The following PPEF1 variants were observed in gnomAD, a reference collection of about 807,000 sequenced individuals.
PPEF1 encodes serine/threonine-protein phosphatase with EF-hands 1.
A neutral mutation model predicts 53.3 loss-of-function variants in PPEF1; 12 were observed. The ratio of observed to expected loss-of-function variants is 0.23; its 90% CI spans 0.14 to 0.36. The LOEUF (loss-of-function observed/expected upper bound fraction) is 0.36. Ranked by LOEUF, PPEF1 falls within the 10% of genes least tolerant of loss-of-function variation. The pLI is 1.00. For missense variants in PPEF1, 334 were observed against 490.4 expected (o/e 0.68, Z 3.01); for synonymous variants, 165 against 176.7 (o/e 0.93, Z 0.52).
At chrX:18,692,497 G>A (rs895453815) in intron 4 of PPEF1, among the ~76,000 whole-genome samples, 4 of 111,780 alleles carry the variant, frequency 3.6e-5, no homozygotes, top group Non-Finnish European at 5.6e-5. Context: ...AATCCTCCTC[G>A]ATGTCTCTGT....
At chrX:18,708,059 G>C (rs946307928) in intron 1 of PPEF1, among the ~76,000 whole-genome samples, 1 of 112,314 alleles carries the variant, frequency 8.9e-6, no homozygotes, top group Non-Finnish European at 1.9e-5. Flanking sequence ...AATTTCATTC[G>C]ATAATGTACC....
chrX:18,745,125 T>TA (rs1253514893), intron 3 of PPEF1, among the ~76,000 whole-genome samples: 1 of 95,747 alleles, frequency 1.0e-5, no homozygotes, highest in African/African-American at 3.9e-5. Flanking sequence ...ATTATATATA[T>TA]TATATAATTA....
intron 1 of PPEF1, among the ~76,000 whole-genome samples, chrX:18,683,163 A>G (rs1928942651): frequency 9.0e-6 from 1 of 111,443 alleles, no homozygotes; most frequent in Non-Finnish European, 1.9e-5. Flanking sequence ...TGGGAGCTAC[A>G]ATTCAAGATG....
At chrX:18,764,969 G>C (rs1362895995) in intron 6 of PPEF1, among the ~76,000 whole-genome samples, 1 of 111,699 alleles carries the variant, frequency 9.0e-6, no homozygotes, top group Non-Finnish European at 1.9e-5. Flanking sequence ...AAACTGGAAG[G>C]TGCTAATGTA....
chrX:18,807,565 G>A lies in PPEF1; in HGVS notation c.1394+1020G>A, dbSNP rs753495592. ...AAAAACCTTTGAGTACCTGCCATGT[G>A]TCAGATACTATTCTAGGCATACATA... On this transcript the variant is annotated intron_variant, in intron 12 of 15. Coordinates refer to ENST00000470157, the MANE Select transcript of PPEF1 (RefSeq NM_001377996.1). Among the ~76,000 whole-genome samples, 5 of 111,920 alleles carry A rather than the reference G, an allele frequency of 4.5e-5. No individual in the cohort carries two copies. The South Asian group carries it at 1.9e-3, about 42-fold the overall frequency.
At chrX:18,712,612 A>G (rs2044353454) in intron 1 of PPEF1, among the ~76,000 whole-genome samples, 1 of 112,029 alleles carries the variant, frequency 8.9e-6, no homozygotes, top group Non-Finnish European at 1.9e-5. Context: ...TTTCTTTCCA[A>G]TGCCTTTTGT....
At position 18,749,796 on chromosome X, in the gene PPEF1, A is replaced by G. The variant is rs1325448590; in HGVS notation, c.240A>G (p.Leu80=). 5 of 928,269 alleles carry G rather than the reference A, an allele frequency of 5.4e-6. No individual in the cohort carries two copies. Among genetic ancestry groups the G allele is most frequent in the African/African-American group, 2.6e-5 (1 of 38,102 alleles). The allele number at this position is 928,269 out of a possible 1,213,427, so 76.5% of individuals were successfully genotyped here. A position where few individuals can be genotyped will look rare whatever the true frequency, so the allele number is the denominator to read the frequency against. The change falls in exon 4 of 16, where the codon TTA becomes TTG. Residue 80 remains leucine, a synonymous_variant. Coordinates refer to ENST00000470157, the MANE Select transcript of PPEF1 (RefSeq NM_001377996.1). The part of the protein sequence containing the change: ...YTHIHKEELE[L]RNQSLESEQD... ...GTTCTGTCCTTCCTTTTCCAGAATT[A>G]AGAAATCAGTCTCTTGAAAGCGAAC...
At chrX:18,714,471 C>T (rs1334816776) in intron 1 of PPEF1, among the ~76,000 whole-genome samples, 2 of 110,416 alleles carry the variant, frequency 1.8e-5, no homozygotes, top group African/African-American at 6.6e-5. Flanking sequence ...CGGGGCTTCA[C>T]CATGTTGGCC....
intron 3 of PPEF1, among the ~76,000 whole-genome samples, chrX:18,742,205 A>C (rs1845540693): frequency 8.9e-6 from 1 of 111,867 alleles, no homozygotes; most frequent in Non-Finnish European, 1.9e-5. Context: ...ACCATAATTG[A>C]TCCATTCGAT....
intron 1 of PPEF1, among the ~76,000 whole-genome samples, chrX:18,723,145 C>T (rs1052837746): frequency 1.8e-5 from 2 of 110,621 alleles, no homozygotes; most frequent in African/African-American, 6.6e-5. Context: ...CCACCATGCC[C>T]GGCTAATTTT....
chrX:18,814,024 C>T (rs1177191975), intron 12 of PPEF1, among the ~76,000 whole-genome samples: 1 of 110,466 alleles, frequency 9.1e-6, no homozygotes, highest in Non-Finnish European at 1.9e-5. Flanking sequence ...TTCCCAGTGT[C>T]TATTTTTCCC....
intron 4 of PPEF1, among the ~76,000 whole-genome samples, chrX:18,691,870 G>T (rs1929408386): frequency 8.9e-6 from 1 of 111,956 alleles, no homozygotes; most frequent in Non-Finnish European, 1.9e-5. Context: ...CTAGGTGCAG[G>T]TTTAGATGGA....
intron 3 of PPEF1, among the ~76,000 whole-genome samples, chrX:18,734,399 A>G (rs1399806801): frequency 9.3e-6 from 1 of 107,782 alleles, no homozygotes; most frequent in Non-Finnish European, 1.9e-5. Flanking sequence ...TGTCCTTGCG[A>G]TAGTTTGCTC....
chrX:18,733,358 C>T (rs925684959), intron 2 of PPEF1, among the ~76,000 whole-genome samples: 1 of 111,724 alleles, frequency 9.0e-6, no homozygotes, highest in Non-Finnish European at 1.9e-5. Context: ...GTGAGGAATG[C>T]GAGACAGGAC....
chrX:18,718,285 A>G (rs995709951), intron 1 of PPEF1, among the ~76,000 whole-genome samples: 1 of 112,071 alleles, frequency 8.9e-6, no homozygotes, highest in Non-Finnish European at 1.9e-5. Flanking sequence ...TTTAGAAGGC[A>G]GAAAGGCCAG....
At chrX:18,741,772 CTT>C (rs58971135) in intron 3 of PPEF1, among the ~76,000 whole-genome samples, 10 of 66,323 alleles carry the variant, frequency 1.5e-4, no homozygotes, top group East Asian at 5.1e-4. Flanking sequence ...GCTGCTGCTT[CTT>C]TTTTTTTTTT....
chrX:18,786,482 C>G (rs754664237), intron 9 of PPEF1, among the ~76,000 whole-genome samples: 1 of 111,219 alleles, frequency 9.0e-6, no homozygotes, highest in East Asian at 2.8e-4. Context: ...ATGTAATTAC[C>G]TATATGAAGA....
At chrX:18,718,556 C>T (rs2044511689) in intron 1 of PPEF1, among the ~76,000 whole-genome samples, 1 of 111,447 alleles carries the variant, frequency 9.0e-6, no homozygotes, top group Non-Finnish European at 1.9e-5. Context: ...TACCACTGCA[C>T]TCCAGCCCGG....
chrX:18,721,948 T>C (rs1331236716), intron 1 of PPEF1, among the ~76,000 whole-genome samples: 1 of 112,140 alleles, frequency 8.9e-6, no homozygotes, highest in African/African-American at 3.2e-5. Context: ...ACAAGGCCTC[T>C]GTGTTGTGGC....
Sources: allele counts gnomAD v4.1 joint callset (sites outside exome capture counted in the v4.1 genomes callset), GRCh38; gene constraint gnomAD v4.1.1; transcripts MANE v1.5; gene names NCBI Gene and HGNC (gene_info 2026-07-23, HGNC 2026-07-21).